ADGRV1: variants seen among roughly 807,000 people sequenced by gnomAD.
The protein encoded by ADGRV1 is G-protein coupled receptor 98.
A neutral mutation model predicts 596.2 loss-of-function variants in ADGRV1; 359 were observed. The observed-to-expected ratio is 0.60, with a 90% CI of 0.55 to 0.66. The LOEUF (loss-of-function observed/expected upper bound fraction) is 0.66. Among genes scored for constraint, ADGRV1 ranks in the 30% least tolerant of loss-of-function variants. ADGRV1 has a pLI of 0.00. For synonymous variants in ADGRV1, 2,681 were observed against 2,679.2 expected (o/e 1.00, Z -0.02); for missense variants, 7,274 against 7,575.6 (o/e 0.96, Z 1.48).
chr5:90,910,137 AT>A (rs1772724288), intron 83 of ADGRV1, among the ~76,000 whole-genome samples: 1 of 152,252 alleles, frequency 6.6e-6, no homozygotes, highest in Non-Finnish European at 1.5e-5. Context: ...GCAAAATAAC[AT>A]TTGTAAAGTG....
At chr5:91,129,854 C>T (rs73189086) in intron 87 of ADGRV1, among the ~76,000 whole-genome samples, 1 of 152,148 alleles carries the variant, frequency 6.6e-6, no homozygotes, top group African/African-American at 2.4e-5. Context: ...AGAGCTGAGA[C>T]TGGAGTTCAA....
At chr5:90,942,987 T>C (rs183087523) in intron 83 of ADGRV1, among the ~76,000 whole-genome samples, 15 of 152,280 alleles carry the variant, frequency 9.9e-5, no homozygotes, top group African/African-American at 3.6e-4. Context: ...CTGCCCCTTC[T>C]GCAATGAAGA....
intron 85 of ADGRV1, among the ~76,000 whole-genome samples, chr5:91,054,102 T>TGTGAGAGAGA (rs1299621929): frequency 2.0e-3 from 249 of 126,724 alleles, no homozygotes; most frequent in Middle Eastern, 8.0e-3. Flanking sequence ...TGTGTGTGTG[T>TGTGAGAGAGA]GAGAGAGAGA....
chr5:90,692,908 A>G lies in ADGRV1; in HGVS notation c.7133+122A>G, dbSNP rs887767396. 12 of 689,576 alleles carry G rather than the reference A, an allele frequency of 1.7e-5. No individual in the cohort carries two copies. The African/African-American group carries it at 2.1e-4, about 12-fold the overall frequency. 42.7% of individuals were successfully genotyped at this position (689,576 alleles called of 1,614,324 possible). ...TTTTTTCTATGCCATAAATTATTTT[A>G]TAGGTTATTTTAATGTGTTAACTGA... On this transcript the variant is annotated intron_variant, in intron 32 of 89. Coordinates refer to ENST00000405460, the MANE Select transcript of ADGRV1 (RefSeq NM_032119.4).
rs562069881 is a variant in ADGRV1 at position 90,666,437 on chromosome 5, A to C, written c.4753-6109A>C. Among the ~76,000 whole-genome samples the C allele has an allele frequency of 4.3e-4, 66 of 151,826 alleles. 1 individual carries two copies. Among genetic ancestry groups the C allele is most frequent in the African/African-American group, 1.2e-3 (49 of 41,384 alleles). ...TTTTATCAGAGAGTAGGATTGCAAC[A>C]CCTGCCTTTTTTTGTTTTCCATTTG... On this transcript the variant is annotated intron_variant, in intron 21 of 89. Coordinates refer to ENST00000405460, the MANE Select transcript of ADGRV1 (RefSeq NM_032119.4).
chr5:90,661,890 A>G (rs552099153), intron 21 of ADGRV1, among the ~76,000 whole-genome samples: 1 of 152,310 alleles, frequency 6.6e-6, no homozygotes, highest in South Asian at 2.1e-4. Flanking sequence ...TTCTGTATTA[A>G]TAATTACATA....
At chr5:91,117,534 A>G (rs4916845) in intron 87 of ADGRV1, among the ~76,000 whole-genome samples, 79,899 of 152,000 alleles carry the variant, frequency 0.53, 23,202 homozygotes, top group Non-Finnish European at 0.64. Context: ...AGAGACTTTT[A>G]GGCAAGGTCA....
At chr5:90,970,149 A>C (rs1778831916) in intron 84 of ADGRV1, among the ~76,000 whole-genome samples, 1 of 152,214 alleles carries the variant, frequency 6.6e-6, no homozygotes, top group Non-Finnish European at 1.5e-5. Flanking sequence ...TCTGAGATCG[A>C]AGTGCAAGGC....
At chr5:90,893,232 G>A (rs1206681003) in intron 83 of ADGRV1, among the ~76,000 whole-genome samples, 2 of 152,108 alleles carry the variant, frequency 1.3e-5, no homozygotes, top group African/African-American at 4.8e-5. Context: ...GCTTTAGGAA[G>A]GCTTTGGATT....
In ADGRV1 at chr5:90,674,307, G is replaced by T. The variant is rs138143193; in HGVS notation, c.5110+73G>T. The T allele has an allele frequency of 3.5e-5, 42 of 1,203,256 alleles. No homozygotes were observed. The African/African-American group carries it at 6.3e-4, about 18-fold the overall frequency. The allele number at this position is 1,203,256 out of a possible 1,614,324, so 74.5% of individuals were successfully genotyped here. On this transcript the variant is annotated intron_variant, in intron 23 of 89. Transcript: ENST00000405460. ...TTAGTTTTGTTAAGAACTTCTTAAG[G>T]CACTTTTTGCAAATGACGGAAGTAG...
In ADGRV1 at chr5:90,783,819, G is replaced by C. The variant is rs752350230; in HGVS notation, c.13434-19G>C. On this transcript the variant is annotated intron_variant, in intron 66 of 89. Coordinates refer to ENST00000405460, the MANE Select transcript of ADGRV1 (RefSeq NM_032119.4). ...TTAATATGTTTAGACTCACAGAATT[G>C]CTCCTTCTTGCCATGCAGTGAATTT... The C allele has an allele frequency of 6.4e-7, 1 of 1,556,212 alleles. No individual in the cohort carries two copies. The highest frequency in any genetic ancestry group is 2.3e-5 in the East Asian group (1 of 43,866).
chr5:90,983,856 T>C (rs1780279315), intron 84 of ADGRV1, among the ~76,000 whole-genome samples: 1 of 152,188 alleles, frequency 6.6e-6, no homozygotes, highest in South Asian at 2.1e-4. Flanking sequence ...TGGTTTAGCC[T>C]AATACTAATC....
At chr5:90,594,794 G>A (rs935289117) in intron 1 of ADGRV1, among the ~76,000 whole-genome samples, 1 of 150,808 alleles carries the variant, frequency 6.6e-6, no homozygotes, top group Non-Finnish European at 1.5e-5. Context: ...AGAGCACAGG[G>A]TTGGGGGTAA....
chr5:90,691,804 A>G (rs1160123276), intron 31 of ADGRV1, among the ~76,000 whole-genome samples: 1 of 152,052 alleles, frequency 6.6e-6, no homozygotes, highest in African/African-American at 2.4e-5. Context: ...TTATTCTTCA[A>G]CCATTGTTGA....
At chr5:90,947,410 A>C (rs186606661) in intron 83 of ADGRV1, among the ~76,000 whole-genome samples, 1 of 152,042 alleles carries the variant, frequency 6.6e-6, no homozygotes, top group African/African-American at 2.4e-5. Flanking sequence ...AGATTGCAAA[A>C]ATTTTCTCCC....
chr5:91,011,795 T>C (rs760692216), intron 85 of ADGRV1, among the ~76,000 whole-genome samples: 17 of 151,950 alleles, frequency 1.1e-4, no homozygotes, highest in Non-Finnish European at 2.2e-4. Flanking sequence ...GGTTTCGTGG[T>C]TAATAAAGCT....
At chr5:90,808,603 T>C (rs1267233991) in intron 73 of ADGRV1, among the ~76,000 whole-genome samples, 1 of 152,190 alleles carries the variant, frequency 6.6e-6, no homozygotes, top group African/African-American at 2.4e-5. Flanking sequence ...TTAACAGTAT[T>C]ATAGTGCTTG....
chr5:90,577,868 T>C (rs1301579862), intron 1 of ADGRV1, among the ~76,000 whole-genome samples: 2 of 152,202 alleles, frequency 1.3e-5, no homozygotes, highest in East Asian at 3.8e-4. Flanking sequence ...TATTTTATTC[T>C]CTTTGTAGTA....
intron 85 of ADGRV1, among the ~76,000 whole-genome samples, chr5:91,032,039 A>G (rs990572953): frequency 6.6e-6 from 1 of 152,254 alleles, no homozygotes; most frequent in African/African-American, 2.4e-5. Flanking sequence ...GCGGGCTGCA[A>G]TTTTAAAGAA....
Sources: gnomAD v4.1 joint callset for allele counts (sites outside exome capture counted in the v4.1 genomes callset) on GRCh38, gnomAD v4.1.1 for gene constraint, MANE v1.5 for transcripts, NCBI Gene and HGNC (gene_info 2026-07-23, HGNC 2026-07-21) for gene names.